TYW1: variants seen among roughly 807,000 people sequenced by gnomAD.
TYW1 encodes S-adenosyl-L-methionine-dependent tRNA 4-demethylwyosine synthase TYW1.
Under a neutral mutation model 96.2 loss-of-function variants are expected in TYW1, and 46 were observed. The observed-to-expected ratio is 0.48, with a 90% CI of 0.38 to 0.61. TYW1 has a LOEUF of 0.61. Among genes scored for constraint, TYW1 ranks in the 20% least tolerant of loss-of-function variants. The pLI, the probability that TYW1 is intolerant of heterozygous loss-of-function variation, is 0.00. For synonymous variants in TYW1, 274 were observed against 323.0 expected, an observed-to-expected ratio of 0.85 and a Z score of 1.63; for missense variants, 684 against 909.6, an observed-to-expected ratio of 0.75 and a Z score of 3.19.
intron 6 of TYW1, among the ~76,000 whole-genome samples, chr7:67,023,302 G>A (rs1794340446): frequency 6.6e-6 from 1 of 151,840 alleles, no homozygotes; most frequent in South Asian, 2.1e-4. Context: ...TCACCATGTT[G>A]GTCAGGCTTG....
At chr7:67,027,094 G>C (rs1381578203) in intron 7 of TYW1, among the ~76,000 whole-genome samples, 1 of 152,040 alleles carries the variant, frequency 6.6e-6, no homozygotes, top group African/African-American at 2.4e-5. Context: ...CAACTGCTTG[G>C]GAGGCTGAGG....
chr7:67,027,302 T>G (rs1185644822), intron 7 of TYW1, among the ~76,000 whole-genome samples: 1 of 152,126 alleles, frequency 6.6e-6, no homozygotes, highest in Non-Finnish European at 1.5e-5. Flanking sequence ...AAAAATCATA[T>G]AGATAGTAGA....
intron 12 of TYW1, among the ~76,000 whole-genome samples, chr7:67,100,113 G>T (rs1176709409): frequency 6.6e-6 from 1 of 152,138 alleles, no homozygotes; most frequent in African/African-American, 2.4e-5. Context: ...GAGGGTTCCA[G>T]CCATGTTGAT....
In TYW1 at chr7:67,006,345, A is replaced by T. The variant is rs1374412749; in HGVS notation, c.274-3238A>T. Reference sequence around the variant, plus strand: ...CTCCCTGAGGCCTCCTCAGAAGCAGATGCCGTTACACTTCCTGTACAGTCT... The same window carrying T: ...CTCCCTGAGGCCTCCTCAGAAGCAGTTGCCGTTACACTTCCTGTACAGTCT... On this transcript the variant is annotated intron_variant, in intron 3 of 15. Coordinates refer to ENST00000359626, the MANE Select transcript of TYW1 (RefSeq NM_018264.4). Among the ~76,000 whole-genome samples the T allele has an allele frequency of 2.0e-5, 3 of 151,706 alleles. No individual in the cohort carries two copies. The East Asian group carries it at 5.8e-4, about 29-fold the overall frequency.
chr7:67,200,146 G>A (rs1463257625), intron 15 of TYW1, among the ~76,000 whole-genome samples: 5 of 152,094 alleles, frequency 3.3e-5, no homozygotes, highest in Admixed American at 6.6e-5. Flanking sequence ...CCAAGTGTGC[G>A]CCAGGACAAA....
At chr7:67,007,717 C>G (rs1192134920) in intron 3 of TYW1, among the ~76,000 whole-genome samples, 1 of 152,076 alleles carries the variant, frequency 6.6e-6, no homozygotes, top group Non-Finnish European at 1.5e-5. Context: ...TCACTGCAAC[C>G]TCTGCCTCCT....
At chr7:67,218,363 T>A (rs56760050) in intron 15 of TYW1, among the ~76,000 whole-genome samples, 19,956 of 118,176 alleles carry the variant, frequency 0.17, 1,593 homozygotes, top group East Asian at 0.27. Flanking sequence ...TTATTTATTT[T>A]TTTTTTTTGA....
Position 67,230,652 on chromosome 7 carries a change from C to CTTTT in TYW1, c.1978-7641_1978-7638dup, listed in dbSNP as rs34585182. Among the ~76,000 whole-genome samples, 15 of 119,550 alleles carry CTTTT rather than the reference C, an allele frequency of 1.3e-4. 1 individual carries two copies. The highest frequency in any genetic ancestry group is 4.8e-3 in the Middle Eastern group (1 of 210). 78.4% of individuals were successfully genotyped at this position (119,550 alleles called of 152,430 possible). ...CAACCCACCATTTTGCTTATTATCT[C>CTTTT]TTTTTTTTTTTTTTTTTTGAGGCGG... On this transcript the variant is annotated intron_variant, in intron 15 of 15. Transcript: ENST00000359626.
At position 67,008,257 on chromosome 7, in the gene TYW1, C is replaced by T. The variant is rs181849445; in HGVS notation, c.274-1326C>T. On this transcript the variant is annotated intron_variant, in intron 3 of 15. Coordinates refer to ENST00000359626, the MANE Select transcript of TYW1 (RefSeq NM_018264.4). ...CTTCTCCCCAGCACATTGGTATGTT[C>T]ACCAAGTCAACAGTCTCCATTGTTC... 1.3e-4 allele frequency among the ~76,000 whole-genome samples: 20 copies of T among 152,312 alleles called. 1 individual carries two copies. In the East Asian group the frequency reaches 2.9e-3, roughly 22 times the overall value.
intron 13 of TYW1, among the ~76,000 whole-genome samples, chr7:67,132,851 T>C (rs1563030786): frequency 6.6e-6 from 1 of 152,230 alleles, no homozygotes; most frequent in African/African-American, 2.4e-5. Flanking sequence ...TATTCCCCGA[T>C]GTAGGAGAAA....
At chr7:67,227,624 T>A (rs1801609917) in intron 15 of TYW1, among the ~76,000 whole-genome samples, 2 of 152,076 alleles carry the variant, frequency 1.3e-5, no homozygotes, top group Middle Eastern at 6.8e-3. Flanking sequence ...ATGCAGTTAT[T>A]GGCTCAACCT....
At chr7:67,028,613 C>T (rs1794538491) in intron 7 of TYW1, among the ~76,000 whole-genome samples, 1 of 152,152 alleles carries the variant, frequency 6.6e-6, no homozygotes, top group Admixed American at 6.6e-5. Context: ...AACAAAACTC[C>T]AAAGCTGGAT....
intron 3 of TYW1, among the ~76,000 whole-genome samples, chr7:67,001,223 C>T (rs1793377034): frequency 6.6e-6 from 1 of 151,976 alleles, no homozygotes; most frequent in African/African-American, 2.4e-5. Context: ...GATGCTTATG[C>T]TGTGTTTCGA....
chr7:67,158,818 G>A (rs376713831), intron 13 of TYW1, among the ~76,000 whole-genome samples: 84 of 152,028 alleles, frequency 5.5e-4, no homozygotes, highest in East Asian at 5.1e-3. Flanking sequence ...TGATCTGCCC[G>A]CCTCAGCCTC....
At chr7:67,100,779 G>C (rs1159778494) in intron 12 of TYW1, among the ~76,000 whole-genome samples, 1 of 150,516 alleles carries the variant, frequency 6.6e-6, no homozygotes, top group African/African-American at 2.5e-5. Flanking sequence ...CAGGAGAATG[G>C]CGAGAACCTG....
chr7:66,999,010 C>T, intron 3 of TYW1, 56 bp downstream of exon 3: 1 of 1,587,160 alleles, frequency 6.3e-7, no homozygotes, highest in Non-Finnish European at 8.6e-7. Flanking sequence ...AAGAAAATCC[C>T]TTTAGCAGTG....
intron 15 of TYW1, among the ~76,000 whole-genome samples, chr7:67,236,916 A>G (rs184865921): frequency 6.3e-4 from 96 of 151,994 alleles, no homozygotes; most frequent in African/African-American, 2.2e-3. Flanking sequence ...ATGGAATTTC[A>G]CTCACGTCAC....
At chr7:67,129,998 A>G (rs1430055907) in intron 13 of TYW1, among the ~76,000 whole-genome samples, 1 of 152,032 alleles carries the variant, frequency 6.6e-6, no homozygotes, top group Non-Finnish European at 1.5e-5. Context: ...TTGAAACTTG[A>G]TATATGTGCT....
intron 15 of TYW1, among the ~76,000 whole-genome samples, chr7:67,219,676 T>C (rs530596223): frequency 3.2e-4 from 49 of 150,974 alleles, no homozygotes; most frequent in African/African-American, 1.1e-3. Flanking sequence ...TGGCGTACCA[T>C]TGTTTATAGT....
Sources: allele counts gnomAD v4.1 joint callset (sites outside exome capture counted in the v4.1 genomes callset), GRCh38; gene constraint gnomAD v4.1.1; transcripts MANE v1.5; gene names NCBI Gene and HGNC (gene_info 2026-07-23, HGNC 2026-07-21).